The following TMEM178B variants were observed in gnomAD, a reference collection of about 807,000 sequenced individuals.
TMEM178B encodes transmembrane protein 178B.
In TMEM178B, 5 loss-of-function variants were observed where a neutral mutation model predicts 31.0. That is an observed-to-expected ratio of 0.16 (90% CI 0.08 to 0.34). TMEM178B has a LOEUF of 0.34. TMEM178B is among the 10% of genes least tolerant of loss of function. The probability of loss-of-function intolerance (pLI) is 1.00; values close to 1 mark genes in which losing one functional copy is unlikely to be tolerated. For synonymous variants in TMEM178B, 164 were observed against 164.0 expected, an observed-to-expected ratio of 1.00 and a Z score of 0.00; for missense variants, 275 against 400.3, an observed-to-expected ratio of 0.69 and a Z score of 2.67.
Position 141,437,714 on chromosome 7 carries a change from G to A in TMEM178B, c.603G>A (p.Gln201=). ...LGCCWDRGLM[Q]YVAGLLFLMG... is the part of the protein sequence containing the mutation. Reference sequence around the variant, plus strand: ...GCTGCTGGGACCGAGGCCTTATGCAGTACGTGGCAGGGCTGCTCTTCCTCA... The same window carrying A: ...GCTGCTGGGACCGAGGCCTTATGCAATACGTGGCAGGGCTGCTCTTCCTCA... The change falls in exon 3 of 4, where the codon CAG becomes CAA. Residue 201 remains glutamine, a synonymous_variant. Transcript: ENST00000565468. The A allele has an allele frequency of 2.6e-6, 4 of 1,536,192 alleles. No homozygotes were observed. Among genetic ancestry groups the A allele is most frequent in the Non-Finnish European group, 2.6e-6 (3 of 1,146,866 alleles).
chr7:141,371,250 G>A (rs1198564848), intron 2 of TMEM178B, among the ~76,000 whole-genome samples: 1 of 152,064 alleles, frequency 6.6e-6, no homozygotes, highest in Non-Finnish European at 1.5e-5. Flanking sequence ...CCTTCCTTGG[G>A]GGTAAGTGAG....
At chr7:141,214,181 G>C (rs1332251343) in intron 2 of TMEM178B, among the ~76,000 whole-genome samples, 2 of 152,144 alleles carry the variant, frequency 1.3e-5, no homozygotes, top group African/African-American at 2.4e-5. Flanking sequence ...CCCTTCTTAG[G>C]AGCCTAAAAG....
chr7:141,199,181 C>G (rs1796835396), intron 1 of TMEM178B, among the ~76,000 whole-genome samples: 1 of 152,024 alleles, frequency 6.6e-6, no homozygotes, highest in Non-Finnish European at 1.5e-5. Context: ...TGCAAAAAAA[C>G]TCAGAAAAGG....
At chr7:141,164,963 G>A (rs1298308007) in intron 1 of TMEM178B, among the ~76,000 whole-genome samples, 1 of 152,134 alleles carries the variant, frequency 6.6e-6, no homozygotes, top group Non-Finnish European at 1.5e-5. Flanking sequence ...GGTAGCACTT[G>A]CCTCTTCCTT....
chr7:141,435,598 C>T (rs1801521068), intron 2 of TMEM178B, among the ~76,000 whole-genome samples: 1 of 152,160 alleles, frequency 6.6e-6, no homozygotes, highest in Admixed American at 6.5e-5. Context: ...GAGAGGACGG[C>T]ACAGATGATT....
chr7:141,229,943 A>G (rs1797414562), intron 2 of TMEM178B, among the ~76,000 whole-genome samples: 1 of 152,088 alleles, frequency 6.6e-6, no homozygotes, highest in Non-Finnish European at 1.5e-5. Context: ...TTTTCTTTGT[A>G]TTTCTTTTCA....
At chr7:141,390,342 A>C (rs890679304) in intron 2 of TMEM178B, among the ~76,000 whole-genome samples, 1 of 152,186 alleles carries the variant, frequency 6.6e-6, no homozygotes, top group Admixed American at 6.5e-5. Context: ...ACACTCTTCT[A>C]CTATGAACAG....
At chr7:141,483,616 A>G (rs369904144), downstream of TMEM178B, among the ~76,000 whole-genome samples, 72 of 152,328 alleles carry the variant, frequency 4.7e-4, no homozygotes, top group African/African-American at 1.6e-3. Flanking sequence ...AAAATGGAAG[A>G]GTTAGCAAAT....
At chr7:141,353,099 C>G (rs1156361280) in intron 2 of TMEM178B, among the ~76,000 whole-genome samples, 1 of 152,146 alleles carries the variant, frequency 6.6e-6, no homozygotes, top group African/African-American at 2.4e-5. Flanking sequence ...CCTTCCACCA[C>G]CACCTTGGTT....
chr7:141,433,881 C>G (rs899468221), intron 2 of TMEM178B, among the ~76,000 whole-genome samples: 3 of 152,272 alleles, frequency 2.0e-5, no homozygotes, highest in Non-Finnish European at 4.4e-5. Flanking sequence ...AAAATCTTTC[C>G]AGGTCAGTGG....
rs1794572288 is a variant in TMEM178B, at chr7:141,074,872, C to T, written c.382+180C>T. On this transcript the variant is annotated intron_variant, in intron 1 of 3. Transcript: ENST00000565468. The surrounding 1 kb of genome is among the most constrained non-coding windows in gnomAD (Gnocchi z 5.1). Reference sequence around the variant, plus strand: ...TGCCTCCCAATAGCTGTTAATGAAGCTTGGTGCAGGCTTAACTCTCTCCCC... The same window carrying T: ...TGCCTCCCAATAGCTGTTAATGAAGTTTGGTGCAGGCTTAACTCTCTCCCC... Among the ~76,000 whole-genome samples, 1 of 152,226 alleles carries T rather than the reference C, an allele frequency of 6.6e-6. No homozygotes were observed. The highest frequency in any genetic ancestry group is 2.1e-4 in the South Asian group (1 of 4,836).
At chr7:141,316,686 C>G (rs1309957225) in intron 2 of TMEM178B, among the ~76,000 whole-genome samples, 1 of 152,210 alleles carries the variant, frequency 6.6e-6, no homozygotes, top group Non-Finnish European at 1.5e-5. Flanking sequence ...GGCACTATTC[C>G]TGCTCCATGG....
intron 2 of TMEM178B, among the ~76,000 whole-genome samples, chr7:141,308,415 T>A (rs181470210): frequency 0.018 from 2,753 of 152,302 alleles, 53 homozygotes; most frequent in South Asian, 0.031. Flanking sequence ...TAATTTTTTT[T>A]AGAGACAGGG....
intron 2 of TMEM178B, among the ~76,000 whole-genome samples, chr7:141,418,972 A>G (rs1177526382): frequency 6.6e-6 from 1 of 152,142 alleles, no homozygotes; most frequent in African/African-American, 2.4e-5. Context: ...CAGTAGCACA[A>G]TCCTGGCTCA....
At chr7:141,446,316 G>A (rs968053123) in intron 3 of TMEM178B, among the ~76,000 whole-genome samples, 1 of 152,214 alleles carries the variant, frequency 6.6e-6, no homozygotes, top group African/African-American at 2.4e-5. Context: ...TCCAAATCTG[G>A]TCAGCAATTA....
chr7:141,491,172 A>T, the TMEM178B span, among the ~76,000 whole-genome samples: 1 of 152,086 alleles, frequency 6.6e-6, no homozygotes, highest in Non-Finnish European at 1.5e-5. Flanking sequence ...GGACTACAGG[A>T]GCATGCTACC....
At chr7:141,302,642 G>C (rs1420121942) in intron 2 of TMEM178B, among the ~76,000 whole-genome samples, 1 of 152,156 alleles carries the variant, frequency 6.6e-6, no homozygotes, top group Non-Finnish European at 1.5e-5. Flanking sequence ...ACATGGTTGA[G>C]ATGGCAAATT....
Position 141,470,903 on chromosome 7 carries a change from C to T in TMEM178B, c.*117C>T. On this transcript the variant is annotated 3_prime_UTR_variant, in exon 4 of 4. Coordinates refer to ENST00000565468, the MANE Select transcript of TMEM178B (RefSeq NM_001195278.2). ...GTGCCAAGGTAGAGTTGAGTTGGCT[C>T]AGGCACCTGCATCTCGCCGGACTTT... 1.7e-6 allele frequency: 1 copy of T among 572,536 alleles called. No individual in the cohort carries two copies. The highest frequency in any genetic ancestry group is 2.3e-6 in the Non-Finnish European group (1 of 438,486). The allele number at this position is 572,536 out of a possible 1,614,324, so 35.5% of individuals were successfully genotyped here.
At chr7:141,484,972 G>A (rs560826788), downstream of TMEM178B, among the ~76,000 whole-genome samples, 17 of 152,258 alleles carry the variant, frequency 1.1e-4, no homozygotes, top group Non-Finnish European at 2.4e-4. The surrounding 1 kb of genome is among the most constrained non-coding windows in gnomAD (Gnocchi z 4.8). Flanking sequence ...TTAAACTAAT[G>A]TCCATAGAAA....
Sources: allele counts gnomAD v4.1 joint callset (sites outside exome capture counted in the v4.1 genomes callset), GRCh38; gene constraint gnomAD v4.1.1; non-coding constraint Gnocchi (gnomAD v3.1); transcripts MANE v1.5; gene names NCBI Gene and HGNC (gene_info 2026-07-23, HGNC 2026-07-21).